The following ABAT variants were observed in gnomAD, a reference collection of about 807,000 sequenced individuals.
ABAT encodes 4-aminobutyrate aminotransferase, also known as 4-aminobutyrate aminotransferase, mitochondrial.
A neutral mutation model predicts 64.6 loss-of-function variants in ABAT; 45 were observed. That is an observed-to-expected ratio of 0.70 (90% CI 0.55 to 0.89). The LOEUF (loss-of-function observed/expected upper bound fraction) is 0.89, where lower values mean the gene tolerates loss of function less well. ABAT is among the 40% of genes least tolerant of loss of function. The pLI, the probability that ABAT is intolerant of heterozygous loss-of-function variation, is 0.00. For synonymous variants in ABAT, 297 were observed against 250.5 expected (o/e 1.19, Z -1.75); for missense variants, 633 against 658.4 (o/e 0.96, Z 0.42).
At chr16:8,689,671 G>T (rs1359186921) in intron 1 of ABAT, among the ~76,000 whole-genome samples, 1 of 152,240 alleles carries the variant, frequency 6.6e-6, no homozygotes, top group Non-Finnish European at 1.5e-5. Context: ...ATTTGATCTG[G>T]TGGGAGAGGT....
intron 2 of ABAT, 42 bp downstream of exon 2, chr16:8,735,851 G>A (rs904280183): frequency 1.3e-6 from 2 of 1,538,038 alleles, no homozygotes; most frequent in Admixed American, 1.9e-5. Flanking sequence ...ACTAATGGAA[G>A]ATACCATCCA....
chr16:8,725,691 C>G (rs1339244193), intron 1 of ABAT, among the ~76,000 whole-genome samples: 1 of 152,150 alleles, frequency 6.6e-6, no homozygotes, highest in Non-Finnish European at 1.5e-5. Context: ...TTGTTTGAGT[C>G]TCTGTTTTCA....
chr16:8,757,247 A>G (rs1481017406), intron 5 of ABAT: 26 of 442,086 alleles, frequency 5.9e-5, no homozygotes, highest in Non-Finnish European at 7.2e-5. Context: ...AACTCAATGC[A>G]ACCTCCGCCT....
chr16:8,732,717 G>T (rs559668602), intron 1 of ABAT, among the ~76,000 whole-genome samples: 6 of 150,810 alleles, frequency 4.0e-5, no homozygotes, highest in Non-Finnish European at 7.4e-5. Context: ...ATCCTGGCCC[G>T]TTCTCAATGA....
At chr16:8,718,100 A>ACCTCAGTCTCAT (rs1024600556) in intron 1 of ABAT, among the ~76,000 whole-genome samples, 3 of 152,162 alleles carry the variant, frequency 2.0e-5, no homozygotes, top group Non-Finnish European at 4.4e-5. Flanking sequence ...CCCTCTCTGA[A>ACCTCAGTCTCAT]CCTCAGTCTC....
At chr16:8,771,296 A>AG (rs1196189971) in intron 11 of ABAT, among the ~76,000 whole-genome samples, 10 of 142,064 alleles carry the variant, frequency 7.0e-5, no homozygotes, top group African/African-American at 2.6e-4. Context: ...ACTCCATCTC[A>AG]AAAAAAAAAA....
intron 2 of ABAT, among the ~76,000 whole-genome samples, chr16:8,744,398 C>T (rs75422858): frequency 5.9e-5 from 9 of 151,834 alleles, no homozygotes; most frequent in Non-Finnish European, 8.8e-5. Flanking sequence ...GATGGAGTCT[C>T]GCTTTGTTAC....
At chr16:8,763,935 G>T (rs1273402) in intron 6 of ABAT, 134 bp from the exon 7 acceptor site, 58,324 of 764,864 alleles carry the variant, frequency 0.076, 2,748 homozygotes, top group South Asian at 0.15. Flanking sequence ...CATGCCCCAC[G>T]CTGACAGAAC....
At chr16:8,759,374 T>C (rs2059734797) in intron 6 of ABAT, among the ~76,000 whole-genome samples, 1 of 152,090 alleles carries the variant, frequency 6.6e-6, no homozygotes, top group Non-Finnish European at 1.5e-5. Context: ...AAAAAATTTT[T>C]TTTTTTTACT....
intron 1 of ABAT, among the ~76,000 whole-genome samples, chr16:8,707,074 G>A (rs370565755): frequency 6.6e-6 from 1 of 152,176 alleles, no homozygotes; most frequent in African/African-American, 2.4e-5. Context: ...CTCATGAAAG[G>A]CTGGGAGCCA....
At chr16:8,747,971 T>C in intron 3 of ABAT, 137 bp from the exon 4 acceptor site, 2 of 758,420 alleles carry the variant, frequency 2.6e-6, no homozygotes, top group South Asian at 3.3e-5. Context: ...AATTTTAAAG[T>C]AATATGGTTG....
intron 1 of ABAT, among the ~76,000 whole-genome samples, chr16:8,684,048 G>A (rs551654574): frequency 6.6e-6 from 1 of 152,214 alleles, no homozygotes; most frequent in South Asian, 2.1e-4. Flanking sequence ...GCGGAAACAG[G>A]CCCCAAAACA....
intron 6 of ABAT, among the ~76,000 whole-genome samples, chr16:8,761,557 G>A (rs923685130): frequency 4.6e-5 from 7 of 152,158 alleles, no homozygotes; most frequent in African/African-American, 9.7e-5. Flanking sequence ...CACGTTCTCC[G>A]TCCCAGTCTG....
intron 11 of ABAT, among the ~76,000 whole-genome samples, chr16:8,769,817 G>T (rs1175778148): frequency 1.3e-5 from 2 of 152,156 alleles, no homozygotes; most frequent in Admixed American, 1.3e-4. Context: ...GAAGACATTG[G>T]AAGTAATCTG....
chr16:8,711,816 A>ATGGATGG (rs2058084486), intron 1 of ABAT, among the ~76,000 whole-genome samples: 7 of 151,812 alleles, frequency 4.6e-5, no homozygotes, highest in Admixed American at 4.6e-4. Flanking sequence ...GGATGGATGG[A>ATGGATGG]TGGATGGATG....
At chr16:8,693,902 G>A (rs1292422152) in intron 1 of ABAT, among the ~76,000 whole-genome samples, 6 of 152,162 alleles carry the variant, frequency 3.9e-5, no homozygotes, top group Non-Finnish European at 7.3e-5. Context: ...GAGATCCTAT[G>A]GGTCCTTCAT....
At chr16:8,693,373 T>A (rs1293145955) in intron 1 of ABAT, among the ~76,000 whole-genome samples, 1 of 151,500 alleles carries the variant, frequency 6.6e-6, no homozygotes, top group Non-Finnish European at 1.5e-5. Flanking sequence ...CCAAAAAAAA[T>A]TCCAGTATAT....
intron 1 of ABAT, among the ~76,000 whole-genome samples, chr16:8,701,596 C>G (rs11643667): frequency 0.1 from 15,525 of 152,268 alleles, 1,362 homozygotes; most frequent in East Asian, 0.45. Context: ...AATTAAAATA[C>G]TGATGGTTAC....
chr16:8,747,616 A>G (rs549965711), intron 3 of ABAT, among the ~76,000 whole-genome samples: 4 of 152,218 alleles, frequency 2.6e-5, no homozygotes, highest in Non-Finnish European at 4.4e-5. Context: ...TGGAATTGAA[A>G]TCTTTGTAAT....
Sources: allele counts gnomAD v4.1 joint callset (sites outside exome capture counted in the v4.1 genomes callset), GRCh38; gene constraint gnomAD v4.1.1; transcripts MANE v1.5; gene names NCBI Gene and HGNC (gene_info 2026-07-23, HGNC 2026-07-21).